Variants in AATK observed in about 807,000 individuals in gnomAD.
The protein encoded by AATK is serine/threonine-protein kinase LMTK1.
AATK carries 91 observed loss-of-function variants against 114.3 expected under a neutral mutation model. The observed-to-expected ratio is 0.80, with a 90% CI of 0.67 to 0.95. The LOEUF (loss-of-function observed/expected upper bound fraction) is 0.95. Ranked by LOEUF, AATK falls within the 40% of genes least tolerant of loss-of-function variation. The pLI is 0.00. For missense variants in AATK, 2,176 were observed against 1,965.2 expected, an observed-to-expected ratio of 1.11 and a Z score of -2.03; for synonymous variants, 1,075 against 916.5, an observed-to-expected ratio of 1.17 and a Z score of -3.12.
chr17:81,161,279 C>T (rs1016179914), intron 1 of AATK, among the ~76,000 whole-genome samples: 7 of 152,254 alleles, frequency 4.6e-5, no homozygotes, highest in Non-Finnish European at 7.4e-5. Context: ...TCCGGCACAG[C>T]GGCCCCAGGT....
At chr17:81,125,970 G>A (rs778603226) in intron 7 of AATK, 8 of 478,364 alleles carry the variant, frequency 1.7e-5, no homozygotes, top group Non-Finnish European at 3.5e-5. Context: ...GCGGCGTCTG[G>A]GGCTGACGGG....
chr17:81,118,992 G>A (rs2060622281), intron 13 of AATK, among the ~76,000 whole-genome samples: 2 of 152,212 alleles, frequency 1.3e-5, no homozygotes, highest in Admixed American at 1.3e-4. Flanking sequence ...CCCCAGCAGG[G>A]CTCCACCTGG....
chr17:81,119,173 T>TC lies in AATK; in HGVS notation c.4084+206dup, dbSNP rs1568215559. Among the ~76,000 whole-genome samples, 128 of 44,046 alleles carry TC rather than the reference T, an allele frequency of 2.9e-3. 1 individual carries two copies. The highest frequency in any genetic ancestry group is 0.03 in the Middle Eastern group (2 of 66). 28.9% of individuals were successfully genotyped at this position (44,046 alleles called of 152,430 possible). ...GGGTCAGGTGAGGGTCAGGTGAGGG[T>TC]CAGGTGAGGGTCAGGTGAGGGCCAG... On this transcript the variant is annotated intron_variant, in intron 13 of 13. Coordinates refer to ENST00000326724, the MANE Select transcript of AATK (RefSeq NM_001080395.3).
intron 1 of AATK, among the ~76,000 whole-genome samples, chr17:81,163,908 G>C (rs1451059380): frequency 6.6e-6 from 1 of 152,256 alleles, no homozygotes; most frequent in Non-Finnish European, 1.5e-5. Flanking sequence ...CACTGCCCCA[G>C]ATGCTGAGTG....
At chr17:81,138,741 A>G (rs1438683507) in intron 1 of AATK, among the ~76,000 whole-genome samples, 2 of 149,684 alleles carry the variant, frequency 1.3e-5, no homozygotes, top group African/African-American at 4.9e-5. Context: ...GCGCGCACAC[A>G]GATACCAACA....
At chr17:81,129,020 G>A (rs1400910531) in intron 3 of AATK, 25 of 621,496 alleles carry the variant, frequency 4.0e-5, no homozygotes, top group Non-Finnish European at 5.0e-5. Context: ...GGCCCCGCAC[G>A]GAGCACACTG....
chr17:81,135,499 G>A (rs1598937118), intron 1 of AATK, among the ~76,000 whole-genome samples: 1 of 152,266 alleles, frequency 6.6e-6, no homozygotes. Context: ...TTGCCACTGA[G>A]CACCTGCAAC....
intron 1 of AATK, among the ~76,000 whole-genome samples, chr17:81,147,736 T>TGGAGCAAGA (rs1206393664): frequency 2.6e-5 from 4 of 152,144 alleles, no homozygotes; most frequent in African/African-American, 9.7e-5. Flanking sequence ...GCCTGGGTGA[T>TGGAGCAAGA]GGAGCAAGAC....
Position 81,156,115 on chromosome 17 carries a change from TTACTA to T in AATK, c.55+9818_55+9822del, listed in dbSNP as rs1185292721. ...GTTACAATGTATGTTACAATGTATG[TTACTA>T]TGTTACAATGTATGTTACTATGTTA... On this transcript the variant is annotated intron_variant, in intron 1 of 13. Transcript: ENST00000326724. Among the ~76,000 whole-genome samples the T allele has an allele frequency of 4.1e-3, 431 of 104,924 alleles. 4 individuals are homozygous for T. Among genetic ancestry groups the T allele is most frequent in the African/African-American group, 0.025 (421 of 16,534 alleles). The allele number at this position is 104,924 out of a possible 152,430, so 68.8% of individuals were successfully genotyped here.
At chr17:81,130,101 C>T (rs1286970904) in intron 3 of AATK, among the ~76,000 whole-genome samples, 1 of 152,240 alleles carries the variant, frequency 6.6e-6, no homozygotes, top group Admixed American at 6.5e-5. Flanking sequence ...AGGGTCCAGC[C>T]AGGCACGGCT....
chr17:81,127,746 G>C, intron 5 of AATK, 46 bp downstream of exon 5: 1 of 1,509,760 alleles, frequency 6.6e-7, no homozygotes, highest in Non-Finnish European at 9.0e-7. Flanking sequence ...GGGAGGGAGA[G>C]GAGGGGGCCG....
At chr17:81,123,097 C>A in intron 10 of AATK, 97 bp downstream of exon 10, 1 of 1,314,248 alleles carries the variant, frequency 7.6e-7, no homozygotes, top group South Asian at 1.9e-5. Context: ...CCAGGCAGGG[C>A]TGGAACGCCA....
chr17:81,120,005 CG>C lies in AATK; in HGVS notation c.3813del (p.Gly1272AlafsTer35). The C allele has an allele frequency of 6.9e-7, 1 of 1,447,202 alleles. No individual in the cohort carries two copies. The highest frequency in any genetic ancestry group is 9.1e-7 in the Non-Finnish European group (1 of 1,099,532). The allele number at this position is 1,447,202 out of a possible 1,614,324, so 89.6% of individuals were successfully genotyped here. On this transcript the variant is annotated frameshift_variant, in exon 12 of 14. Transcript: ENST00000326724. LOFTEE classifies it high-confidence loss of function. ...ESPPTFLRGS[P>X]GSPSAPNRPQ... ...GGCCGGTTGGGGGCGCTGGGAGAGC[CG>C]GGGCTCCCCCTAAGGAACGTAGGGG... is the stretch of plus-strand genomic sequence containing the variant.
At chr17:81,129,636 C>T (rs1314383468) in intron 3 of AATK, among the ~76,000 whole-genome samples, 1 of 152,198 alleles carries the variant, frequency 6.6e-6, no homozygotes, top group African/African-American at 2.4e-5. Context: ...CCAGTGCCTT[C>T]TTTCGGGCTC....
At chr17:81,119,689 A>AGGC (rs1243314763) in intron 12 of AATK, 109 bp from the exon 13 acceptor site, 1 of 786,558 alleles carries the variant, frequency 1.3e-6, no homozygotes, top group African/African-American at 3.0e-5. Context: ...TCACGGGCCC[A>AGGC]GGCCCCGCCT....
At chr17:81,118,833 G>A (rs2060615394) in intron 13 of AATK, among the ~76,000 whole-genome samples, 1 of 152,220 alleles carries the variant, frequency 6.6e-6, no homozygotes, top group Non-Finnish European at 1.5e-5. Flanking sequence ...CTAGGGAAGA[G>A]GAAGCTGGCA....
chr17:81,156,858 T>TC (rs1050787645), intron 1 of AATK, among the ~76,000 whole-genome samples: 1 of 152,138 alleles, frequency 6.6e-6, no homozygotes, highest in African/African-American at 2.4e-5. Context: ...AGCAGACCCC[T>TC]CCTCGGCCCT....
chr17:81,145,536 C>T (rs1029005370), intron 1 of AATK, among the ~76,000 whole-genome samples: 23 of 151,944 alleles, frequency 1.5e-4, no homozygotes, highest in African/African-American at 5.5e-4. Context: ...ACTTTGAGGC[C>T]AGCCTGACCA....
intron 1 of AATK, chr17:81,160,281 C>T: frequency 1.0e-6 from 1 of 984,910 alleles, no homozygotes; most frequent in Non-Finnish European, 1.2e-6. Context: ...GTGGCTGTAA[C>T]CCCAGAGTGA....
Sources: gnomAD v4.1 joint callset for allele counts (sites outside exome capture counted in the v4.1 genomes callset) on GRCh38, gnomAD v4.1.1 for gene constraint, MANE v1.5 for transcripts, NCBI Gene and HGNC (gene_info 2026-07-23, HGNC 2026-07-21) for gene names.